The following CHST9 variants were observed in gnomAD, a reference collection of about 807,000 sequenced individuals.
The protein encoded by CHST9 is carbohydrate sulfotransferase 9, also known as GalNAc-4-sulfotransferase 2.
CHST9 carries 41 observed loss-of-function variants against 44.4 expected under a neutral mutation model. That is an observed-to-expected ratio of 0.92 (90% CI 0.72 to 1.20). The LOEUF is 1.20. Among genes scored for constraint, CHST9 ranks in the 50% most tolerant of loss-of-function variants. The probability of loss-of-function intolerance (pLI) is 0.00; values close to 1 mark genes in which losing one functional copy is unlikely to be tolerated. For synonymous variants in CHST9, 171 were observed against 178.4 expected, an observed-to-expected ratio of 0.96 and a Z score of 0.33; for missense variants, 504 against 516.5, an observed-to-expected ratio of 0.98 and a Z score of 0.23.
chr18:27,108,228 G>C (rs2058239141), intron 2 of CHST9, among the ~76,000 whole-genome samples: 1 of 151,914 alleles, frequency 6.6e-6, no homozygotes, highest in South Asian at 2.1e-4. Context: ...AGCTGTGGCT[G>C]GATCTATTTC....
At chr18:27,155,888 C>T (rs2058695176) in intron 1 of CHST9, among the ~76,000 whole-genome samples, 1 of 151,854 alleles carries the variant, frequency 6.6e-6, no homozygotes. Context: ...AATGCATCCA[C>T]CGGTAAAATG....
rs1313827049 is a variant in CHST9, at chr18:26,975,731, A to G, written c.203-31365T>C. ...TATATGTGTGTGTGTGTGTGTATAT[A>G]TATATATATATATATATATATATAT... On this transcript the variant is annotated intron_variant, in intron 4 of 5. Transcript: ENST00000618847. 4.9e-3 allele frequency among the ~76,000 whole-genome samples: 101 copies of G among 20,520 alleles called. No homozygotes were observed. In the East Asian group the frequency reaches 0.16, roughly 33 times the overall value. The allele number at this position is 20,520 out of a possible 152,430, so 13.5% of individuals were successfully genotyped here. A position where few individuals can be genotyped will look rare whatever the true frequency, so the allele number is the denominator to read the frequency against.
At chr18:27,179,967 T>G (rs972042046) in intron 1 of CHST9, among the ~76,000 whole-genome samples, 11 of 152,118 alleles carry the variant, frequency 7.2e-5, no homozygotes, top group Non-Finnish European at 1.6e-4. Context: ...CAGAAAGTAC[T>G]TTTGGGATTT....
intron 4 of CHST9, among the ~76,000 whole-genome samples, chr18:27,005,448 G>T (rs1320570407): frequency 1.3e-5 from 2 of 152,040 alleles, no homozygotes; most frequent in African/African-American, 4.8e-5. Flanking sequence ...ATAGAGTGGG[G>T]ATGATATTTA....
At chr18:27,154,686 G>A (rs2058684702) in intron 1 of CHST9, among the ~76,000 whole-genome samples, 1 of 152,054 alleles carries the variant, frequency 6.6e-6, no homozygotes, top group Admixed American at 6.6e-5. Flanking sequence ...TGTTCTTGGA[G>A]GAGGTTTATC....
chr18:26,982,098 C>T (rs924706615), intron 4 of CHST9, among the ~76,000 whole-genome samples: 4 of 152,084 alleles, frequency 2.6e-5, no homozygotes, highest in Admixed American at 6.5e-5. Flanking sequence ...CAAAATCCTC[C>T]GCAGAGTAAA....
Position 27,074,749 on chromosome 18 carries a change from T to A in CHST9, c.122-26246A>T, listed in dbSNP as rs1193496471. Among the ~76,000 whole-genome samples, 5 of 150,672 alleles carry A rather than the reference T, an allele frequency of 3.3e-5. No individual in the cohort carries two copies. The East Asian group carries it at 9.7e-4, about 29-fold the overall frequency. On this transcript the variant is annotated intron_variant, in intron 2 of 5. Coordinates refer to ENST00000618847, the MANE Select transcript of CHST9 (RefSeq NM_031422.6). The stretch of plus-strand genomic sequence containing the variant: ...TTTATTTTTTAATTATTGGTGAGGT[T>A]AGGAGAGTATGTCAATATGTTACAT...
chr18:26,933,451 C>T (rs1210930383), intron 5 of CHST9, among the ~76,000 whole-genome samples: 3 of 152,190 alleles, frequency 2.0e-5, no homozygotes, highest in Non-Finnish European at 2.9e-5. Flanking sequence ...ATATTTTTGC[C>T]GAGTATCACC....
At chr18:27,176,476 G>A (rs2058869189) in intron 1 of CHST9, among the ~76,000 whole-genome samples, 1 of 151,960 alleles carries the variant, frequency 6.6e-6, no homozygotes, top group Non-Finnish European at 1.5e-5. Flanking sequence ...TGGAATTGAA[G>A]GAGAAGTAAT....
At chr18:27,018,773 C>A (rs950416762) in intron 4 of CHST9, among the ~76,000 whole-genome samples, 1 of 152,120 alleles carries the variant, frequency 6.6e-6, no homozygotes, top group African/African-American at 2.4e-5. Flanking sequence ...CTTTGGTAAT[C>A]CTGGATTTAC....
At chr18:27,132,446 G>A (rs902183020) in intron 2 of CHST9, among the ~76,000 whole-genome samples, 5 of 152,146 alleles carry the variant, frequency 3.3e-5, no homozygotes, top group South Asian at 2.1e-4. Flanking sequence ...CTGAAAAATC[G>A]AGTTAAACAC....
At chr18:27,156,000 G>T (rs1018713931) in intron 1 of CHST9, among the ~76,000 whole-genome samples, 1 of 152,078 alleles carries the variant, frequency 6.6e-6, no homozygotes, top group African/African-American at 2.4e-5. Flanking sequence ...AAAAGATCAT[G>T]AAGTAGGAAA....
At chr18:27,016,709 G>A (rs1356882768) in intron 4 of CHST9, among the ~76,000 whole-genome samples, 4 of 152,156 alleles carry the variant, frequency 2.6e-5, no homozygotes, top group African/African-American at 9.7e-5. Context: ...TAATAAAGGT[G>A]ATGAGGATGT....
At chr18:27,169,876 G>T (rs2058821266) in intron 1 of CHST9, among the ~76,000 whole-genome samples, 1 of 151,938 alleles carries the variant, frequency 6.6e-6, no homozygotes, top group South Asian at 2.1e-4. Flanking sequence ...CAAAGTGCTG[G>T]GATTACAGGC....
intron 2 of CHST9, among the ~76,000 whole-genome samples, chr18:27,123,898 A>G (rs1310772365): frequency 1.3e-5 from 2 of 152,210 alleles, no homozygotes; most frequent in Non-Finnish European, 2.9e-5. Context: ...TCTCTCAGGA[A>G]TTCTTTCTCC....
At chr18:27,061,629 C>G (rs2057722650) in intron 2 of CHST9, among the ~76,000 whole-genome samples, 1 of 152,142 alleles carries the variant, frequency 6.6e-6, no homozygotes, top group South Asian at 2.1e-4. Context: ...CAGATTGCAT[C>G]ATTGGTGTGT....
intron 4 of CHST9, among the ~76,000 whole-genome samples, chr18:27,001,292 A>T (rs1355587937): frequency 2.0e-5 from 3 of 152,214 alleles, no homozygotes; most frequent in Non-Finnish European, 4.4e-5. Flanking sequence ...GATTAAGAGG[A>T]GGAAGAGAAA....
chr18:27,062,387 C>A (rs940900950), intron 2 of CHST9, among the ~76,000 whole-genome samples: 1 of 152,082 alleles, frequency 6.6e-6, no homozygotes, highest in African/African-American at 2.4e-5. Context: ...GTTCAATTCC[C>A]ACCTATGAGT....
intron 1 of CHST9, among the ~76,000 whole-genome samples, chr18:27,152,671 C>T (rs1209586935): frequency 6.6e-6 from 1 of 152,046 alleles, no homozygotes; most frequent in Non-Finnish European, 1.5e-5. Context: ...ATCATCATTG[C>T]ATTAAGTAAC....
Sources: gnomAD v4.1 joint callset for allele counts (sites outside exome capture counted in the v4.1 genomes callset) on GRCh38, gnomAD v4.1.1 for gene constraint, MANE v1.5 for transcripts, NCBI Gene and HGNC (gene_info 2026-07-23, HGNC 2026-07-21) for gene names.